DAB1: variants seen among roughly 807,000 people sequenced by gnomAD.
DAB1 encodes disabled homolog 1.
Under a neutral mutation model 64.6 loss-of-function variants are expected in DAB1, and 15 were observed. The observed-to-expected ratio is 0.23, with a 90% confidence interval of 0.16 to 0.36. The LOEUF (loss-of-function observed/expected upper bound fraction) is 0.36, where lower values mean the gene tolerates loss of function less well. DAB1 is among the 10% of genes least tolerant of loss of function. DAB1 has a pLI of 1.00. For synonymous variants in DAB1, 235 were observed against 251.9 expected (o/e 0.93, Z 0.64); for missense variants, 596 against 706.7 (o/e 0.84, Z 1.78).
intron 2 of DAB1, among the ~76,000 whole-genome samples, chr1:57,290,499 A>G (rs1264877811): frequency 1.3e-5 from 2 of 152,182 alleles, no homozygotes; most frequent in African/African-American, 4.8e-5. Context: ...GGTACAGGCG[A>G]TGATGAACTA....
intron 1 of DAB1, among the ~76,000 whole-genome samples, chr1:57,335,030 T>C (rs931403555): frequency 6.6e-6 from 1 of 152,218 alleles, no homozygotes; most frequent in East Asian, 1.9e-4. Context: ...GGTTCAGAGC[T>C]ATGTCCACCC....
intron 7 of DAB1, among the ~76,000 whole-genome samples, chr1:57,453,573 G>C (rs1686470994): frequency 6.6e-6 from 1 of 152,100 alleles, no homozygotes; most frequent in Non-Finnish European, 1.5e-5. Context: ...ACAGCTCCAA[G>C]TTTGTAATCC....
At chr1:57,600,575 G>T (rs957315765) in intron 7 of DAB1, among the ~76,000 whole-genome samples, 3 of 152,142 alleles carry the variant, frequency 2.0e-5, no homozygotes, top group African/African-American at 7.2e-5. Flanking sequence ...GCCCTGGGGG[G>T]TCGGGATGGG....
rs746501755 is a variant in DAB1 at position 58,093,697 on chromosome 1, G to GA, written n.387+56813dup. The stretch of plus-strand genomic sequence containing the variant: ...AGGGTGCAACCAAGGGTTCAAAAGG[G>GA]AAAAAAAAAAAAAAGAAAACTGGAG... On this transcript the variant is annotated intron_variant and non_coding_transcript_variant, in intron 5 of 20. Coordinates refer to the DAB1 transcript ENST00000485760. Among the ~76,000 whole-genome samples, 735 of 129,518 alleles carry GA rather than the reference G, an allele frequency of 5.7e-3. 2 individuals carry two copies. Among genetic ancestry groups the GA allele is most frequent in the African/African-American group, 5.4e-3 (191 of 35,086 alleles). The allele number at this position is 129,518 out of a possible 152,430, so 85.0% of individuals were successfully genotyped here.
chr1:58,115,010 T>C (rs1652237099), intron 5 of DAB1, among the ~76,000 whole-genome samples: 1 of 151,344 alleles, frequency 6.6e-6, no homozygotes, highest in Non-Finnish European at 1.5e-5. Context: ...ACTAAAGAGC[T>C]TCTGCACAGC....
chr1:58,405,420 C>T (rs1446602240), intron 3 of DAB1, among the ~76,000 whole-genome samples: 1 of 151,824 alleles, frequency 6.6e-6, no homozygotes, highest in Admixed American at 6.6e-5. Context: ...GGCTGTAGTT[C>T]AGTGATGTGA....
intron 4 of DAB1, among the ~76,000 whole-genome samples, chr1:57,105,998 C>A (rs1461760956): frequency 1.3e-5 from 2 of 152,122 alleles, no homozygotes; most frequent in Admixed American, 6.5e-5. Context: ...CCAAGCAGAT[C>A]TCTTAACCTC....
intron 5 of DAB1, among the ~76,000 whole-genome samples, chr1:57,974,263 A>T (rs191874439): frequency 1.3e-5 from 2 of 151,970 alleles, no homozygotes; most frequent in African/African-American, 2.4e-5. Flanking sequence ...CCATTTCATT[A>T]CCCCATTTTA....
chr1:57,857,853 C>CAA (rs761614350), intron 1 of DAB1, among the ~76,000 whole-genome samples: 13 of 53,518 alleles, frequency 2.4e-4, no homozygotes, highest in South Asian at 8.5e-4. Context: ...AATGTTCATA[C>CAA]AAAAAAAAAA....
chr1:58,145,618 G>C (rs1179127801), intron 5 of DAB1, among the ~76,000 whole-genome samples: 1 of 152,172 alleles, frequency 6.6e-6, no homozygotes, highest in Non-Finnish European at 1.5e-5. Flanking sequence ...TTACAGATGG[G>C]GAAGTTGAGG....
At chr1:57,422,900 G>T (rs1685033747) in intron 1 of DAB1, among the ~76,000 whole-genome samples, 1 of 152,188 alleles carries the variant, frequency 6.6e-6, no homozygotes, top group Non-Finnish European at 1.5e-5. Flanking sequence ...AAAGTGCAGA[G>T]AAAAGATGCG....
At chr1:57,002,114 AAT>A (rs1376667612) in intron 14 of DAB1, among the ~76,000 whole-genome samples, 1 of 152,244 alleles carries the variant, frequency 6.6e-6, no homozygotes, top group African/African-American at 2.4e-5. Flanking sequence ...CTGACATATT[AAT>A]ATCTTTATTT....
intron 7 of DAB1, among the ~76,000 whole-genome samples, chr1:57,602,756 T>C (rs6674849): frequency 0.94 from 142,544 of 152,160 alleles, 67,050 homozygotes; most frequent in East Asian, 1. Context: ...ATCAGTGCTA[T>C]AGAGCATTCT....
At chr1:57,371,416 C>T (rs1459803468) in intron 1 of DAB1, among the ~76,000 whole-genome samples, 1 of 152,144 alleles carries the variant, frequency 6.6e-6, no homozygotes, top group African/African-American at 2.4e-5. Context: ...CTGATCTGTG[C>T]GCATTACTAT....
intron 9 of DAB1, among the ~76,000 whole-genome samples, chr1:57,037,854 T>C (rs562239796): frequency 6.6e-6 from 1 of 152,336 alleles, no homozygotes; most frequent in Non-Finnish European, 1.5e-5. Context: ...TTTTAATAAA[T>C]GGTTTAATAA....
At chr1:57,374,873 A>G (rs1329662736) in intron 1 of DAB1, among the ~76,000 whole-genome samples, 1 of 152,208 alleles carries the variant, frequency 6.6e-6, no homozygotes, top group Non-Finnish European at 1.5e-5. Flanking sequence ...GAGTGTAGCT[A>G]AAGCCCACCC....
Position 57,023,650 on chromosome 1 carries a change from G to C in DAB1, c.787-11C>G. 6.5e-7 allele frequency: 1 copy of C among 1,548,464 alleles called. No homozygotes were observed. The highest frequency in any genetic ancestry group is 8.9e-7 in the Non-Finnish European group (1 of 1,124,212). ...TGGAGTTGCAGGAGTCTGCCAGACAGAGAGAGGCAGAGGACACATGAGACC... is the reference window on the plus strand; with the variant it reads ...TGGAGTTGCAGGAGTCTGCCAGACACAGAGAGGCAGAGGACACATGAGACC... On this transcript the variant is annotated splice_polypyrimidine_tract_variant and intron_variant, in intron 10 of 14. Coordinates refer to ENST00000371236, the MANE Select transcript of DAB1 (RefSeq NM_001365792.1).
rs191655220 is a variant in DAB1 at position 57,221,862 on chromosome 1, T to C, written c.67+69102A>G. ...ATATTTAAATAACAGAAATGTTCTA[T>C]CCTAAAATGGCCAGTAGTTAAATGT... is the stretch of plus-strand genomic sequence containing the variant. On this transcript the variant is annotated intron_variant, in intron 2 of 14. Coordinates refer to ENST00000371236, the MANE Select transcript of DAB1 (RefSeq NM_001365792.1). Among the ~76,000 whole-genome samples the C allele has an allele frequency of 2.0e-4, 30 of 151,832 alleles. No individual in the cohort carries two copies. In the East Asian group the frequency reaches 5.3e-3, roughly 27 times the overall value.
chr1:57,559,626 G>A (rs540209714), intron 7 of DAB1, among the ~76,000 whole-genome samples: 145 of 152,230 alleles, frequency 9.5e-4, no homozygotes, highest in Admixed American at 9.0e-3. Context: ...TGGAGTTTTA[G>A]CTCAGGTCTG....
Sources: allele counts gnomAD v4.1 joint callset (sites outside exome capture counted in the v4.1 genomes callset), GRCh38; gene constraint gnomAD v4.1.1; transcripts MANE v1.5; gene names NCBI Gene and HGNC (gene_info 2026-07-23, HGNC 2026-07-21).